Variants in ANTXRL observed in about 807,000 individuals in gnomAD.
ANTXRL encodes anthrax toxin receptor-like.
Under a neutral mutation model 75.4 loss-of-function variants are expected in ANTXRL, and 63 were observed. That is an observed-to-expected ratio of 0.84 (90% CI 0.68 to 1.03). The LOEUF (loss-of-function observed/expected upper bound fraction) is 1.03, where lower values mean the gene tolerates loss of function less well. ANTXRL is among the 50% of genes least tolerant of loss of function. The probability of loss-of-function intolerance (pLI) is 0.00; values close to 1 mark genes in which losing one functional copy is unlikely to be tolerated. For missense variants in ANTXRL, 797 were observed against 789.4 expected, an observed-to-expected ratio of 1.01 and a Z score of -0.12; for synonymous variants, 335 against 291.3, an observed-to-expected ratio of 1.15 and a Z score of -1.53.
intron 16 of ANTXRL, among the ~76,000 whole-genome samples, chr10:46,322,918 T>C (rs1485241460): frequency 6.6e-6 from 1 of 152,160 alleles, no homozygotes; most frequent in Non-Finnish European, 1.5e-5. Context: ...CCTTTTATAT[T>C]CAGGTTCAGT....
At chr10:46,292,551 C>T (rs1318757654) in intron 2 of ANTXRL, among the ~76,000 whole-genome samples, 2 of 152,102 alleles carry the variant, frequency 1.3e-5, no homozygotes, top group African/African-American at 4.8e-5. Context: ...GGTCTTTGAA[C>T]TGGGTCTTGC....
At chr10:46,293,289 C>A (rs1221982646) in intron 2 of ANTXRL, among the ~76,000 whole-genome samples, 5 of 43,854 alleles carry the variant, frequency 1.1e-4, no homozygotes, top group Admixed American at 1.1e-3. Flanking sequence ...AGAGTGTGTG[C>A]GTGTGTGCCT....
chr10:46,321,082 C>T (rs1415879775), intron 16 of ANTXRL, among the ~76,000 whole-genome samples: 2 of 152,218 alleles, frequency 1.3e-5, no homozygotes, highest in African/African-American at 2.4e-5. Flanking sequence ...CAACTTTCCA[C>T]TCATCCTTTG....
chr10:46,310,721 G>A (rs4500424), intron 14 of ANTXRL, among the ~76,000 whole-genome samples: 26,844 of 151,816 alleles, frequency 0.18, 2,027 homozygotes, highest in Middle Eastern at 0.2. Flanking sequence ...TCACCAGTTC[G>A]CAGCCTGGGG....
intron 9 of ANTXRL, among the ~76,000 whole-genome samples, chr10:46,300,457 A>T (rs113253711): frequency 1.6e-3 from 247 of 152,124 alleles, no homozygotes; most frequent in African/African-American, 5.4e-3. Context: ...CTCACCGCTC[A>T]AGGCCCATCC....
At chr10:46,305,932 C>T (rs1838052931) in intron 10 of ANTXRL, among the ~76,000 whole-genome samples, 1 of 152,184 alleles carries the variant, frequency 6.6e-6, no homozygotes, top group Admixed American at 6.5e-5. Context: ...TCACATCCAT[C>T]CCACCAGCAA....
intron 16 of ANTXRL, among the ~76,000 whole-genome samples, chr10:46,324,211 C>T (rs1231186032): frequency 2.6e-5 from 4 of 152,058 alleles, no homozygotes; most frequent in African/African-American, 9.7e-5. Flanking sequence ...GTCCAGAAGA[C>T]TGTAGGGTTA....
chr10:46,301,010 C>T (rs1554960392), intron 9 of ANTXRL, among the ~76,000 whole-genome samples: 1 of 127,356 alleles, frequency 7.9e-6, no homozygotes, highest in Non-Finnish European at 1.6e-5. Context: ...CTTCATCCAT[C>T]CACCTTGAAA....
In ANTXRL at chr10:46,287,524, C is replaced by G; in HGVS notation, c.248+14C>G. 6.5e-7 allele frequency: 1 copy of G among 1,531,500 alleles called. No individual in the cohort carries two copies. The allele number at this position is 1,531,500 out of a possible 1,614,324, so 94.9% of individuals were successfully genotyped here. On this transcript the variant is annotated intron_variant, in intron 1 of 16. Transcript: ENST00000620264. The stretch of plus-strand genomic sequence containing the variant: ...CATCTTGGACAAGTGAGTGTCCCTT[C>G]TAGCTCTGGCCCTGGGTCACCCTCA...
intron 14 of ANTXRL, among the ~76,000 whole-genome samples, chr10:46,310,863 C>G (rs1283311091): frequency 1.3e-5 from 2 of 152,126 alleles, no homozygotes; most frequent in African/African-American, 2.4e-5. Context: ...GGCCCTGTCC[C>G]CAGGCTCTAG....
At chr10:46,295,641 G>A (rs572638656) in intron 3 of ANTXRL, among the ~76,000 whole-genome samples, 1 of 133,186 alleles carries the variant, frequency 7.5e-6, no homozygotes, top group African/African-American at 2.6e-5. Context: ...CAACCCCATT[G>A]TCAGTGGCTG....
chr10:46,309,211 T>A lies in ANTXRL; in HGVS notation c.1134+9T>A. On this transcript the variant is annotated intron_variant, in intron 13 of 16. Transcript: ENST00000620264. ...GGCTGTGCCGCAAGCAGGCAAGTGC[T>A]CCCTGCCCGCCCAGCTCTGGGGCCC... 2 of 1,535,600 alleles carry A rather than the reference T, an allele frequency of 1.3e-6. No homozygotes were observed. Among genetic ancestry groups the A allele is most frequent in the Non-Finnish European group, 1.7e-6 (2 of 1,146,690 alleles).
At chr10:46,316,869 G>A (rs1565048173) in intron 16 of ANTXRL, among the ~76,000 whole-genome samples, 1 of 152,096 alleles carries the variant, frequency 6.6e-6, no homozygotes, top group East Asian at 1.9e-4. Flanking sequence ...AATTTTTCTG[G>A]GTACTTCAGT....
chr10:46,291,197 C>T (rs11259775), intron 1 of ANTXRL, among the ~76,000 whole-genome samples: 13,700 of 152,058 alleles, frequency 0.09, 1,608 homozygotes, highest in African/African-American at 0.27. Flanking sequence ...TTCTTTCCCA[C>T]ACTGAGTGTT....
chr10:46,310,470 GAGCCACC>G lies in ANTXRL; in HGVS notation c.1146_1152del (p.Glu382AspfsTer37), dbSNP rs782199855. On this transcript the variant is annotated frameshift_variant, in exon 14 of 17. Coordinates refer to ENST00000620264, the MANE Select transcript of ANTXRL (RefSeq NM_001278688.3). LOFTEE classifies it high-confidence loss of function. ...CTTTTGAACATTCTAGACTGTCAAG[GAGCCACC>G]ACCTGTGCAGAAGCCAGAAAAGGTA... The G allele has an allele frequency of 6.5e-7, 1 of 1,536,344 alleles. No homozygotes were observed. Among genetic ancestry groups the G allele is most frequent in the South Asian group, 1.2e-5 (1 of 84,048 alleles).
chr10:46,300,590 G>A (rs112225450), intron 9 of ANTXRL, among the ~76,000 whole-genome samples: 7,993 of 148,808 alleles, frequency 0.054, 525 homozygotes, highest in African/African-American at 0.15. Flanking sequence ...TGTTCTGGGC[G>A]CCCTGTGCAG....
In ANTXRL at chr10:46,329,679, C is replaced by T. The variant is rs1839396813; in HGVS notation, c.1491C>T (p.Ser497=). The stretch of plus-strand genomic sequence containing the variant: ...GCCCAAGGATCTGCTTTCCACACAG[C>T]CAGGAGTGCCTTTCCCTACCACAGG... ...PCCPRICFPH[S]QECLSLPQAP... Residue 497 remains serine, a synonymous_variant, in exon 17 of 17, where the codon AGC becomes AGT. Coordinates refer to ENST00000620264, the MANE Select transcript of ANTXRL (RefSeq NM_001278688.3). The T allele has an allele frequency of 3.3e-6, 5 of 1,536,200 alleles. No individual in the cohort carries two copies. The East Asian group carries it at 9.8e-5, about 30-fold the overall frequency.
intron 1 of ANTXRL, among the ~76,000 whole-genome samples, chr10:46,291,116 C>T (rs1338020791): frequency 1.3e-5 from 2 of 152,150 alleles, no homozygotes; most frequent in Admixed American, 1.3e-4. Context: ...TAATGGTTTA[C>T]AGAAGGGTCC....
chr10:46,325,782 A>C (rs1196276824), intron 16 of ANTXRL, among the ~76,000 whole-genome samples: 1 of 152,148 alleles, frequency 6.6e-6, no homozygotes, highest in South Asian at 2.1e-4. Context: ...AAATGTGTTC[A>C]GCATTTTCTC....
Sources: gnomAD v4.1 joint callset for allele counts (sites outside exome capture counted in the v4.1 genomes callset) on GRCh38, gnomAD v4.1.1 for gene constraint, MANE v1.5 for transcripts, NCBI Gene and HGNC (gene_info 2026-07-23, HGNC 2026-07-21) for gene names.